CNTN5: variants seen among roughly 807,000 people sequenced by gnomAD.
The protein encoded by CNTN5 is contactin-5.
A neutral mutation model predicts 129.1 loss-of-function variants in CNTN5; 77 were observed. The ratio of observed to expected loss-of-function variants is 0.60; its 90% CI spans 0.50 to 0.72. The LOEUF (loss-of-function observed/expected upper bound fraction) is 0.72. CNTN5 is among the 30% of genes least tolerant of loss of function. The probability of loss-of-function intolerance (pLI) is 0.00; values close to 1 mark genes in which losing one functional copy is unlikely to be tolerated. For synonymous variants in CNTN5, 509 were observed against 465.6 expected (o/e 1.09, Z -1.20); for missense variants, 1,478 against 1,328.8 (o/e 1.11, Z -1.75).
intron 8 of CNTN5, among the ~76,000 whole-genome samples, chr11:99,990,447 T>TACACACACACACACACACAC (rs774953191): frequency 1.8e-3 from 137 of 77,022 alleles, no homozygotes; most frequent in African/African-American, 5.8e-3. Context: ...TTTTAGAATA[T>TACACACACACACACACACAC]ATATATATAC....
At chr11:100,272,876 C>A (rs1250100401) in intron 18 of CNTN5, among the ~76,000 whole-genome samples, 1 of 152,106 alleles carries the variant, frequency 6.6e-6, no homozygotes, top group African/African-American at 2.4e-5. Context: ...GCAGGGAGAG[C>A]TGCATACAGA....
chr11:99,128,735 G>A lies in CNTN5; in HGVS notation c.-210+107465G>A, dbSNP rs778317208. 6.6e-5 allele frequency among the ~76,000 whole-genome samples: 10 copies of A among 152,232 alleles called. No homozygotes were observed. In the East Asian group the frequency reaches 1.2e-3, roughly 18 times the overall value. On this transcript the variant is annotated intron_variant, in intron 1 of 24. Coordinates refer to ENST00000524871, the MANE Select transcript of CNTN5 (RefSeq NM_014361.4). ...GGAGAGTTATGGCTGGCATCAGGTC[G>A]GTGCCCCTCTGGGATGAAGCTTCCA...
chr11:99,342,529 G>A (rs1866558721), intron 2 of CNTN5, among the ~76,000 whole-genome samples: 1 of 123,866 alleles, frequency 8.1e-6, no homozygotes, highest in Admixed American at 9.7e-5. Flanking sequence ...GAGTCCAGGA[G>A]TTCAAAATCA....
chr11:99,065,501 C>T (rs766277500), intron 1 of CNTN5, among the ~76,000 whole-genome samples: 1 of 152,160 alleles, frequency 6.6e-6, no homozygotes, highest in Non-Finnish European at 1.5e-5. Flanking sequence ...AAACATATCT[C>T]CTCTACTGTC....
At chr11:99,593,400 G>C (rs927768857) in intron 3 of CNTN5, among the ~76,000 whole-genome samples, 5 of 152,148 alleles carry the variant, frequency 3.3e-5, no homozygotes, top group Non-Finnish European at 7.4e-5. Flanking sequence ...TCAGTTGTTT[G>C]ATTCTTTAAG....
intron 1 of CNTN5, among the ~76,000 whole-genome samples, chr11:99,266,299 T>G (rs770862757): frequency 1.3e-5 from 2 of 152,116 alleles, no homozygotes; most frequent in Non-Finnish European, 1.5e-5. Flanking sequence ...CTAGAGATGA[T>G]TTCAAGTATA....
At chr11:100,118,435 G>C (rs77310279) in intron 13 of CNTN5, among the ~76,000 whole-genome samples, 263 of 151,914 alleles carry the variant, frequency 1.7e-3, no homozygotes, top group African/African-American at 6.0e-3. Context: ...TTTGGTCATA[G>C]AAATAAGAAA....
intron 3 of CNTN5, among the ~76,000 whole-genome samples, chr11:99,578,781 C>T (rs1478112362): frequency 2.0e-5 from 3 of 152,108 alleles, no homozygotes; most frequent in Non-Finnish European, 4.4e-5. Flanking sequence ...CTGTAGGTTG[C>T]CTGTTCATTC....
At chr11:99,819,323 C>CCCTCTCCTCCCCTCT (rs1946702092) in intron 3 of CNTN5, among the ~76,000 whole-genome samples, 8 of 41,266 alleles carry the variant, frequency 1.9e-4, no homozygotes, top group South Asian at 1.3e-3. Context: ...TCCTCCCCTC[C>CCCTCTCCTCCCCTCT]CCTCCCCTCC....
In CNTN5 at chr11:99,819,733, T is replaced by A. The variant is rs758053014; in HGVS notation, c.245T>A (p.Leu82His). The change falls in exon 4 of 25, where the codon CTT becomes CAT. Residue 82 changes from leucine (L) to histidine (H), a missense_variant. Coordinates refer to ENST00000524871, the MANE Select transcript of CNTN5 (RefSeq NM_014361.4). ...AAQNYYSPIN[L>H]YHSSDAFKQD... ...CAGAATTATTATTCCCCCATCAATC[T>A]TTATCATTCCTCAGATGCCTTCAAA... 6.2e-7 allele frequency: 1 copy of A among 1,607,874 alleles called. No individual in the cohort carries two copies. The highest frequency in any genetic ancestry group is 1.1e-5 in the South Asian group (1 of 90,712).
chr11:99,611,994 A>G (rs536702085), intron 3 of CNTN5, among the ~76,000 whole-genome samples: 1 of 152,180 alleles, frequency 6.6e-6, no homozygotes, highest in Non-Finnish European at 1.5e-5. Context: ...ATCCATACTC[A>G]TGATTGCATT....
intron 1 of CNTN5, among the ~76,000 whole-genome samples, chr11:99,058,950 T>C (rs920865244): frequency 2.0e-4 from 29 of 148,646 alleles, no homozygotes; most frequent in African/African-American, 6.1e-4. Flanking sequence ...ATACATTATA[T>C]ATAGTTATAA....
intron 18 of CNTN5, among the ~76,000 whole-genome samples, chr11:100,296,304 A>G (rs140517872): frequency 3.0e-4 from 46 of 151,696 alleles, no homozygotes; most frequent in African/African-American, 8.9e-4. Context: ...TGCTGTTCAT[A>G]TAAATTAGGT....
chr11:99,055,891 C>G (rs1219473900), intron 1 of CNTN5, among the ~76,000 whole-genome samples: 1 of 151,974 alleles, frequency 6.6e-6, no homozygotes, highest in Non-Finnish European at 1.5e-5. Context: ...GACCGATCAT[C>G]CAGGCTCCAG....
chr11:99,615,068 A>T (rs1435251616), intron 3 of CNTN5, among the ~76,000 whole-genome samples: 1 of 143,316 alleles, frequency 7.0e-6, no homozygotes, highest in Admixed American at 7.0e-5. Flanking sequence ...ATATATCATA[A>T]ATATATAAAA....
At chr11:99,136,612 C>T (rs1859235013) in intron 1 of CNTN5, among the ~76,000 whole-genome samples, 1 of 152,138 alleles carries the variant, frequency 6.6e-6, no homozygotes, top group Non-Finnish European at 1.5e-5. Context: ...ACCAATCAAA[C>T]ATATTTTCAT....
At chr11:99,863,066 A>G (rs771357963) in intron 6 of CNTN5, among the ~76,000 whole-genome samples, 1 of 152,188 alleles carries the variant, frequency 6.6e-6, no homozygotes, top group Non-Finnish European at 1.5e-5. Context: ...AATTAACATT[A>G]GCTCAAGCAA....
chr11:99,753,508 A>T (rs1176202490), intron 3 of CNTN5, among the ~76,000 whole-genome samples: 1 of 151,202 alleles, frequency 6.6e-6, no homozygotes, highest in African/African-American at 2.4e-5. Context: ...TAAGATCTAA[A>T]TGTCCCATAT....
At chr11:99,955,775 AG>A (rs926574280) in intron 7 of CNTN5, among the ~76,000 whole-genome samples, 8 of 151,962 alleles carry the variant, frequency 5.3e-5, no homozygotes. Flanking sequence ...CATGTTAGCC[AG>A]GATAGTCTCG....
Sources: allele counts gnomAD v4.1 joint callset (sites outside exome capture counted in the v4.1 genomes callset), GRCh38; gene constraint gnomAD v4.1.1; transcripts MANE v1.5; gene names NCBI Gene and HGNC (gene_info 2026-07-23, HGNC 2026-07-21).